BICC1: variants seen among roughly 807,000 people sequenced by gnomAD.
BICC1 encodes the protein BicC family RNA binding protein 1.
Under a neutral mutation model 111.0 loss-of-function variants are expected in BICC1, and 43 were observed. The observed-to-expected ratio is 0.39, with a 90% CI of 0.30 to 0.50. BICC1 has a LOEUF of 0.50. Ranked by LOEUF, BICC1 falls within the 20% of genes least tolerant of loss-of-function variation. The pLI, the probability that BICC1 is intolerant of heterozygous loss-of-function variation, is 0.88. For missense variants in BICC1, 1,091 were observed against 1,203.2 expected, an observed-to-expected ratio of 0.91 and a Z score of 1.38; for synonymous variants, 467 against 434.4, an observed-to-expected ratio of 1.07 and a Z score of -0.93.
intron 2 of BICC1, among the ~76,000 whole-genome samples, chr10:58,623,851 A>G (rs914542413): frequency 6.6e-6 from 1 of 150,762 alleles, no homozygotes; most frequent in Admixed American, 6.6e-5. Context: ...AAACTTAGTT[A>G]TGTAGTCTTA....
chr10:58,802,848 A>G (rs1467202139), intron 14 of BICC1, among the ~76,000 whole-genome samples: 4 of 152,210 alleles, frequency 2.6e-5, no homozygotes, highest in Non-Finnish European at 4.4e-5. Flanking sequence ...TTCAAATTCC[A>G]TCTCTACCAT....
intron 2 of BICC1, among the ~76,000 whole-genome samples, chr10:58,627,028 G>C (rs1837653229): frequency 6.6e-6 from 1 of 152,084 alleles, no homozygotes; most frequent in African/African-American, 2.4e-5. Context: ...CTTGAACCTG[G>C]GAGGCAGAGG....
chr10:58,700,681 T>G (rs1173808714), intron 2 of BICC1, among the ~76,000 whole-genome samples: 2 of 152,024 alleles, frequency 1.3e-5, no homozygotes, highest in African/African-American at 4.8e-5. Context: ...AAATGGCAAG[T>G]GAGCAGTACA....
chr10:58,826,844 C>G (rs551537289), intron 20 of BICC1, among the ~76,000 whole-genome samples: 4 of 152,298 alleles, frequency 2.6e-5, no homozygotes, highest in African/African-American at 9.6e-5. Flanking sequence ...AATGCAGTCA[C>G]GTTTATGATC....
At position 58,798,686 on chromosome 10, in the gene BICC1, C is replaced by T. The variant is rs888628860; in HGVS notation, c.1528+126C>T. ...GGGTTCAAAGCATACTCCATTGAAA[C>T]AGAAATTCCCTGATATGTAAATTAG... On this transcript the variant is annotated intron_variant, in intron 11 of 20. Coordinates refer to ENST00000373886, the MANE Select transcript of BICC1 (RefSeq NM_001080512.3). 10 of 841,930 alleles carry T rather than the reference C, an allele frequency of 1.2e-5. No homozygotes were observed. The African/African-American group carries it at 1.6e-4, about 13-fold the overall frequency. 52.2% of individuals were successfully genotyped at this position (841,930 alleles called of 1,614,324 possible).
intron 1 of BICC1, among the ~76,000 whole-genome samples, chr10:58,574,136 A>T (rs1017841772): frequency 3.9e-5 from 6 of 152,068 alleles, no homozygotes; most frequent in Non-Finnish European, 7.4e-5. Context: ...TCCTGGGAGG[A>T]GGGTCAGAAC....
At chr10:58,541,381 A>G (rs1051795734) in intron 1 of BICC1, among the ~76,000 whole-genome samples, 5 of 152,126 alleles carry the variant, frequency 3.3e-5, no homozygotes, top group African/African-American at 1.2e-4. Context: ...ATCAACACAC[A>G]AAAGTCAGTT....
At chr10:58,778,770 C>T (rs1842811486) in intron 3 of BICC1, among the ~76,000 whole-genome samples, 1 of 152,218 alleles carries the variant, frequency 6.6e-6, no homozygotes, top group South Asian at 2.1e-4. Context: ...TATCACCTGA[C>T]ATGTTATGGC....
intron 9 of BICC1, 92 bp from the exon 10 acceptor site, chr10:58,796,248 T>A: frequency 9.6e-7 from 1 of 1,045,818 alleles, no homozygotes; most frequent in Middle Eastern, 2.3e-4. Context: ...GGAATTCTTA[T>A]TAGCGTATTC....
intron 3 of BICC1, among the ~76,000 whole-genome samples, chr10:58,704,149 C>A (rs1408156061): frequency 6.6e-6 from 1 of 152,196 alleles, no homozygotes; most frequent in East Asian, 1.9e-4. Context: ...AATATTTCAG[C>A]AGTACATTCG....
chr10:58,541,006 C>G (rs1593670), intron 1 of BICC1, among the ~76,000 whole-genome samples: 69,830 of 151,790 alleles, frequency 0.46, 17,120 homozygotes, highest in Admixed American at 0.62. Flanking sequence ...GTCATACACC[C>G]TTTCATGACA....
intron 1 of BICC1, among the ~76,000 whole-genome samples, chr10:58,609,589 C>T (rs943149577): frequency 1.3e-5 from 2 of 152,186 alleles, no homozygotes; most frequent in Non-Finnish European, 2.9e-5. Flanking sequence ...AACATCATTT[C>T]AACATGTAAT....
At chr10:58,694,337 G>A (rs1022885391) in intron 2 of BICC1, among the ~76,000 whole-genome samples, 3 of 152,248 alleles carry the variant, frequency 2.0e-5, no homozygotes, top group East Asian at 1.9e-4. Context: ...CAGCCATGTC[G>A]TGAGCAGTCA....
At chr10:58,749,796 T>G in intron 3 of BICC1, among the ~76,000 whole-genome samples, 1 of 152,142 alleles carries the variant, frequency 6.6e-6, no homozygotes. Context: ...AAGTTGGGAT[T>G]TTTATGACTT....
intron 3 of BICC1, among the ~76,000 whole-genome samples, chr10:58,745,602 G>GCT (rs1554827822): frequency 6.4e-5 from 5 of 78,696 alleles, no homozygotes; most frequent in East Asian, 4.7e-4. Flanking sequence ...GCCCCCCACC[G>GCT]CCCCCCCCCC....
At chr10:58,819,610 T>C (rs1844196473) in intron 19 of BICC1, among the ~76,000 whole-genome samples, 1 of 152,162 alleles carries the variant, frequency 6.6e-6, no homozygotes, top group South Asian at 2.1e-4. Flanking sequence ...TCTTATTTGG[T>C]AAGCCCAGTA....
intron 3 of BICC1, among the ~76,000 whole-genome samples, chr10:58,742,532 G>A (rs1841702730): frequency 6.6e-6 from 1 of 151,026 alleles, no homozygotes; most frequent in Non-Finnish European, 1.5e-5. Context: ...CTTCCTCTTG[G>A]GGTCAAGCAG....
chr10:58,629,318 AT>A (rs5785330), intron 2 of BICC1, among the ~76,000 whole-genome samples: 147,392 of 151,074 alleles, frequency 0.98, 71,993 homozygotes, highest in East Asian at 1. Context: ...TCGTAGATTG[AT>A]TTTTTTTTTT....
intron 3 of BICC1, among the ~76,000 whole-genome samples, chr10:58,766,442 T>C (rs1842458000): frequency 6.6e-6 from 1 of 152,216 alleles, no homozygotes; most frequent in South Asian, 2.1e-4. Context: ...GAGAAAAGCA[T>C]ACACTTTTTT....
Sources: allele counts gnomAD v4.1 joint callset (sites outside exome capture counted in the v4.1 genomes callset), GRCh38; gene constraint gnomAD v4.1.1; transcripts MANE v1.5; gene names NCBI Gene and HGNC (gene_info 2026-07-23, HGNC 2026-07-21).